TENM2: variants seen among roughly 807,000 people sequenced by gnomAD.
The protein encoded by TENM2 is teneurin-2.
In TENM2, 52 loss-of-function variants were observed where a neutral mutation model predicts 245.2. The ratio of observed to expected loss-of-function variants is 0.21; its 90% CI spans 0.17 to 0.27. The LOEUF is 0.27. TENM2 is among the 10% of genes least tolerant of loss of function. The probability of loss-of-function intolerance (pLI) is 1.00; values close to 1 mark genes in which losing one functional copy is unlikely to be tolerated. For missense variants in TENM2, 3,046 were observed against 3,666.8 expected, an observed-to-expected ratio of 0.83 and a Z score of 4.37; for synonymous variants, 1,363 against 1,438.9, an observed-to-expected ratio of 0.95 and a Z score of 1.19.
chr5:167,298,001 A>T (rs946988795), intron 1 of TENM2, among the ~76,000 whole-genome samples: 10 of 152,184 alleles, frequency 6.6e-5, no homozygotes, highest in Non-Finnish European at 1.5e-4. Context: ...CGTGCAGGTC[A>T]CAGGGGATAT....
chr5:167,751,158 G>C (rs1761936181), intron 2 of TENM2, among the ~76,000 whole-genome samples: 1 of 152,070 alleles, frequency 6.6e-6, no homozygotes, highest in African/African-American at 2.4e-5. Context: ...GTAGGAACTG[G>C]GCAAGGACCA....
the TENM2 span, among the ~76,000 whole-genome samples, chr5:167,233,647 A>G: frequency 6.6e-6 from 1 of 152,218 alleles, no homozygotes; most frequent in Non-Finnish European, 1.5e-5. Context: ...TTGTTAACAT[A>G]TAATGTATTC....
the TENM2 span, among the ~76,000 whole-genome samples, chr5:167,067,698 C>T: frequency 6.6e-6 from 1 of 152,142 alleles, no homozygotes; most frequent in East Asian, 1.9e-4. Context: ...TCAGGATCAC[C>T]AAAGACTATG....
chr5:167,086,531 G>A, the TENM2 span, among the ~76,000 whole-genome samples: 4 of 152,126 alleles, frequency 2.6e-5, no homozygotes, highest in African/African-American at 9.7e-5. Flanking sequence ...TTTCCCCTGA[G>A]GAAATGCATA....
At chr5:167,299,523 C>T (rs571406963) in intron 1 of TENM2, among the ~76,000 whole-genome samples, 17 of 152,178 alleles carry the variant, frequency 1.1e-4, no homozygotes, top group East Asian at 1.9e-4. Context: ...AGTAGTAGAA[C>T]AGCAGATGGA....
intron 2 of TENM2, among the ~76,000 whole-genome samples, chr5:167,650,961 A>G (rs902596049): frequency 1.3e-5 from 2 of 152,154 alleles, no homozygotes; most frequent in Non-Finnish European, 1.5e-5. Flanking sequence ...CAACTTCTAC[A>G]TATGTCTCGG....
At chr5:168,075,788 C>T (rs1321297626) in intron 7 of TENM2, among the ~76,000 whole-genome samples, 1 of 152,154 alleles carries the variant, frequency 6.6e-6, no homozygotes, top group Non-Finnish European at 1.5e-5. Flanking sequence ...TTCCACATGG[C>T]TGGGGAGGCC....
At chr5:167,111,624 G>A in the TENM2 span, among the ~76,000 whole-genome samples, 56 of 152,238 alleles carry the variant, frequency 3.7e-4, no homozygotes, top group South Asian at 1.0e-3. Context: ...TTAATAAAAC[G>A]TATACACAGT....
rs1290193203 is a variant in TENM2 at position 168,056,212 on chromosome 5, A to G, written c.1310-5848A>G. Among the ~76,000 whole-genome samples the G allele has an allele frequency of 1.4e-4, 22 of 151,952 alleles. 1 individual carries two copies. The highest frequency in any genetic ancestry group is 1.4e-3 in the Admixed American group (22 of 15,226). ...TCCTGGACATCGGCCCAGAAATTTG[A>G]CCTCCAGGAATAGAGTCACTGAGAT... On this transcript the variant is annotated intron_variant, in intron 6 of 28. Transcript: ENST00000518659.
chr5:168,142,175 G>C (rs1340050170), intron 12 of TENM2, among the ~76,000 whole-genome samples: 2 of 152,222 alleles, frequency 1.3e-5, no homozygotes, highest in Non-Finnish European at 2.9e-5. Flanking sequence ...AACTCAGGGA[G>C]GCCCAAGTAG....
intron 1 of TENM2, among the ~76,000 whole-genome samples, chr5:167,323,739 A>G (rs1341988742): frequency 2.0e-5 from 3 of 152,210 alleles, no homozygotes; most frequent in Non-Finnish European, 4.4e-5. Flanking sequence ...AGAAAAATCA[A>G]TGATTGGTTC....
chr5:167,477,722 A>ATCTT, intron 2 of TENM2, among the ~76,000 whole-genome samples: 1 of 152,136 alleles, frequency 6.6e-6, no homozygotes, highest in Non-Finnish European at 1.5e-5. Flanking sequence ...ATATATTTTT[A>ATCTT]ATATCACTTT....
chr5:167,734,908 A>G (rs1451539683), intron 2 of TENM2, among the ~76,000 whole-genome samples: 1 of 152,070 alleles, frequency 6.6e-6, no homozygotes, highest in Non-Finnish European at 1.5e-5. Flanking sequence ...TTAACCTCCA[A>G]AACTGGTGAA....
the TENM2 span, among the ~76,000 whole-genome samples, chr5:167,211,052 C>T: frequency 6.6e-6 from 1 of 152,118 alleles, no homozygotes; most frequent in African/African-American, 2.4e-5. Context: ...TCAGGGGAGG[C>T]TCCAACAAGG....
intron 2 of TENM2, among the ~76,000 whole-genome samples, chr5:167,750,209 AG>A (rs900159315): frequency 6.6e-6 from 1 of 152,192 alleles, no homozygotes; most frequent in Non-Finnish European, 1.5e-5. Flanking sequence ...GGCACACAGT[AG>A]GTGCTCAATG....
intron 5 of TENM2, among the ~76,000 whole-genome samples, chr5:168,029,246 A>T (rs1002770033): frequency 6.6e-6 from 1 of 152,202 alleles, no homozygotes; most frequent in Non-Finnish European, 1.5e-5. Context: ...CACCTTGGTT[A>T]GGATCTCAAC....
In TENM2 at chr5:168,040,531, C is replaced by T. The variant is rs143925043; in HGVS notation, c.1187-6896C>T. Among the ~76,000 whole-genome samples, 18 of 152,282 alleles carry T rather than the reference C, an allele frequency of 1.2e-4. No homozygotes were observed. The East Asian group carries it at 3.5e-3, about 29-fold the overall frequency. ...CATGCAGTGCTTTGAAAATTCATTC[C>T]ACTCAGTGTATTGCAACACTGTCTG... On this transcript the variant is annotated intron_variant, in intron 5 of 28. Transcript: ENST00000518659.
intron 2 of TENM2, among the ~76,000 whole-genome samples, chr5:167,706,012 CTTAT>C (rs1758492907): frequency 7.7e-6 from 1 of 129,608 alleles, no homozygotes. Context: ...TATTTATTTA[CTTAT>C]TTATATTATA....
chr5:167,617,830 A>G (rs1251560606), intron 2 of TENM2, among the ~76,000 whole-genome samples: 3 of 152,220 alleles, frequency 2.0e-5, no homozygotes, highest in Admixed American at 1.3e-4. Flanking sequence ...TGCTTGCTAC[A>G]CAGTAAACTC....
Sources: allele counts gnomAD v4.1 joint callset (sites outside exome capture counted in the v4.1 genomes callset), GRCh38; gene constraint gnomAD v4.1.1; transcripts MANE v1.5; gene names NCBI Gene and HGNC (gene_info 2026-07-23, HGNC 2026-07-21).